TMEM244: variants seen among roughly 807,000 people sequenced by gnomAD.
TMEM244 encodes putative transmembrane protein 244.
A neutral mutation model predicts 15.8 loss-of-function variants in TMEM244; 13 were observed. That is an observed-to-expected ratio of 0.82 (90% CI 0.53 to 1.30). The LOEUF is 1.30. Ranked by LOEUF, TMEM244 falls within the 50% of genes most tolerant of loss-of-function variation. The pLI, the probability that TMEM244 is intolerant of heterozygous loss-of-function variation, is 0.00. For missense variants in TMEM244, 161 were observed against 144.9 expected (o/e 1.11, Z -0.57); for synonymous variants, 45 against 48.7 (o/e 0.92, Z 0.32).
chr6:129,833,633 C>T (rs922088056), intron 3 of TMEM244, 48 bp from the exon 4 acceptor site: 5 of 1,565,672 alleles, frequency 3.2e-6, no homozygotes, highest in Non-Finnish European at 4.3e-6. Flanking sequence ...GAGCAATGAA[C>T]ATTCTGAAAT....
chr6:129,858,850 G>A (rs1200508099), intron 1 of TMEM244, among the ~76,000 whole-genome samples: 1 of 151,288 alleles, frequency 6.6e-6, no homozygotes, highest in Non-Finnish European at 1.5e-5. Context: ...CTGGAGTACA[G>A]TGACACAATC....
At chr6:129,843,633 C>A (rs759079594) in intron 2 of TMEM244, 30 bp from the exon 3 acceptor site, 1 of 1,532,234 alleles carries the variant, frequency 6.5e-7, no homozygotes, top group South Asian at 1.1e-5. Flanking sequence ...AAACAGTTTA[C>A]TCTGAATGAG....
rs151240656 is a variant in TMEM244 at position 129,853,800 on chromosome 6, A to G, written c.33+7356T>C. On this transcript the variant is annotated intron_variant, in intron 1 of 4. Coordinates refer to ENST00000368143, the MANE Select transcript of TMEM244 (RefSeq NM_001010876.2). ...GCTAGGGCTAGGCTGGAACCTGGATAGAATATGAGCATGTGCACGTGGCAT... is the reference window on the plus strand; with the variant it reads ...GCTAGGGCTAGGCTGGAACCTGGATGGAATATGAGCATGTGCACGTGGCAT... 2.3e-3 allele frequency among the ~76,000 whole-genome samples: 356 copies of G among 152,350 alleles called. 5 individuals are homozygous for G. Among genetic ancestry groups the G allele is most frequent in the Admixed American group, 0.02 (299 of 15,292 alleles).
intron 1 of TMEM244, among the ~76,000 whole-genome samples, chr6:129,850,708 T>C (rs931970608): frequency 3.3e-5 from 5 of 152,234 alleles, no homozygotes; most frequent in African/African-American, 9.6e-5. Context: ...TTTAACACAA[T>C]ATATCCAACA....
chr6:129,861,121 C>G, intron 1 of TMEM244, 35 bp downstream of exon 1: 2 of 1,612,628 alleles, frequency 1.2e-6, no homozygotes, highest in Non-Finnish European at 1.7e-6. Context: ...TAGGCAGCAA[C>G]TGAAAGGCAA....
intron 1 of TMEM244, 86 bp downstream of exon 1, chr6:129,861,070 C>CA (rs1776801581): frequency 1.4e-6 from 2 of 1,467,252 alleles, no homozygotes; most frequent in African/African-American, 1.4e-5. Context: ...TGCCCACTGA[C>CA]AGAGAGGCCA....
At chr6:129,861,033 T>G in intron 1 of TMEM244, 123 bp downstream of exon 1, 2 of 1,033,742 alleles carry the variant, frequency 1.9e-6, no homozygotes, top group East Asian at 4.8e-5. Context: ...GTTTTCTGTA[T>G]GGTACCCAGC....
Position 129,833,441 on chromosome 6 carries a change from G to C in TMEM244, c.319+19C>G, listed in dbSNP as rs369445600. Reference sequence around the variant, plus strand: ...GTTTTAATACATTTTCCTTGTTTCTGTTATTTTATTCTGCTTACCAGTTGA... The same window carrying C: ...GTTTTAATACATTTTCCTTGTTTCTCTTATTTTATTCTGCTTACCAGTTGA... On this transcript the variant is annotated intron_variant, in intron 4 of 4. Transcript: ENST00000368143. 15 of 1,601,960 alleles carry C rather than the reference G, an allele frequency of 9.4e-6. No homozygotes were observed. Among genetic ancestry groups the C allele is most frequent in the African/African-American group, 1.4e-5 (1 of 74,048 alleles).
chr6:129,845,554 G>A (rs9483065), intron 2 of TMEM244, among the ~76,000 whole-genome samples: 11,904 of 152,176 alleles, frequency 0.078, 890 homozygotes, highest in African/African-American at 0.19. Context: ...CAAGGCAGGA[G>A]GATCATTCAA....
At chr6:129,861,083 T>G (rs1031151512) in intron 1 of TMEM244, 73 bp downstream of exon 1, 1 of 1,551,452 alleles carries the variant, frequency 6.4e-7, no homozygotes. Context: ...AGAGGCCATT[T>G]ATAGAACATA....
At chr6:129,848,484 G>T (rs1245171887) in intron 1 of TMEM244, among the ~76,000 whole-genome samples, 1 of 152,164 alleles carries the variant, frequency 6.6e-6, no homozygotes, top group Non-Finnish European at 1.5e-5. Flanking sequence ...AGTTCTATTA[G>T]CAGGGAAGAA....
chr6:129,843,335 A>G (rs113882509), intron 3 of TMEM244, among the ~76,000 whole-genome samples, 195 bp downstream of exon 3: 15 of 152,224 alleles, frequency 9.9e-5, no homozygotes, highest in African/African-American at 2.6e-4. Context: ...CACTTATTCC[A>G]TATTACTCCA....
At chr6:129,845,730 G>T in intron 2 of TMEM244, 37 bp downstream of exon 2, 1 of 1,437,906 alleles carries the variant, frequency 7.0e-7, no homozygotes, top group Non-Finnish European at 9.8e-7. Context: ...TTCAATGTTA[G>T]CTTTTTAATT....
At chr6:129,835,938 C>T (rs1193692841) in intron 3 of TMEM244, among the ~76,000 whole-genome samples, 3 of 152,212 alleles carry the variant, frequency 2.0e-5, no homozygotes, top group Non-Finnish European at 2.9e-5. Flanking sequence ...CACACCACAG[C>T]TCAGCAAGGC....
chr6:129,849,190 A>G (rs1776603094), intron 1 of TMEM244, among the ~76,000 whole-genome samples: 2 of 152,068 alleles, frequency 1.3e-5, no homozygotes, highest in African/African-American at 4.8e-5. Context: ...ATAACACTAA[A>G]TATAAATATA....
chr6:129,859,295 A>G (rs1039266256), intron 1 of TMEM244, among the ~76,000 whole-genome samples: 7 of 152,232 alleles, frequency 4.6e-5, no homozygotes, highest in South Asian at 2.1e-4. Flanking sequence ...TATGTTCCCA[A>G]TAGATAATAC....
At chr6:129,840,788 G>A (rs4343931) in intron 3 of TMEM244, among the ~76,000 whole-genome samples, 1 of 151,964 alleles carries the variant, frequency 6.6e-6, no homozygotes, top group African/African-American at 2.4e-5. Flanking sequence ...CTTCTCAAAA[G>A]AAGACGTTTA....
At chr6:129,856,029 G>T (rs1776700501) in intron 1 of TMEM244, among the ~76,000 whole-genome samples, 1 of 152,096 alleles carries the variant, frequency 6.6e-6, no homozygotes, top group Admixed American at 6.5e-5. Flanking sequence ...TCCATAAAGA[G>T]ATTTCCTTTC....
chr6:129,845,788 C>A lies in TMEM244; in HGVS notation c.98G>T (p.Ser33Ile). The part of the protein sequence containing the change: ...LFYTVYYVSL[S>I]MGCVMFEVHE... ...TTACTCAAACATCACGCAGCCCATG[C>A]TCAGGGACACATAGTACACAGTGTA... The change falls in exon 2 of 5, where the codon AGC becomes ATC. Residue 33 changes from serine to isoleucine, a missense_variant. Ser to Ile is a moderately radical substitution (Grantham distance 142). Coordinates refer to ENST00000368143, the MANE Select transcript of TMEM244 (RefSeq NM_001010876.2). The A allele has an allele frequency of 6.2e-7, 1 of 1,612,766 alleles. No individual in the cohort carries two copies. Among genetic ancestry groups the A allele is most frequent in the Non-Finnish European group, 8.5e-7 (1 of 1,179,518 alleles).
Sources: allele counts gnomAD v4.1 joint callset (sites outside exome capture counted in the v4.1 genomes callset), GRCh38; gene constraint gnomAD v4.1.1; transcripts MANE v1.5; gene names NCBI Gene and HGNC (gene_info 2026-07-23, HGNC 2026-07-21).